The following SGK3 variants were observed in gnomAD, a reference collection of about 807,000 sequenced individuals.
SGK3 encodes the protein serum/glucocorticoid regulated kinase family member 3.
SGK3 carries 47 observed loss-of-function variants against 68.5 expected under a neutral mutation model. The observed-to-expected ratio is 0.69, with a 90% CI of 0.54 to 0.87. SGK3 has a LOEUF of 0.87. Ranked by LOEUF, SGK3 falls within the 40% of genes least tolerant of loss-of-function variation. SGK3 has a pLI of 0.00. For missense variants in SGK3, 479 were observed against 575.5 expected (o/e 0.83, Z 1.72); for synonymous variants, 181 against 189.1 (o/e 0.96, Z 0.35).
At position 66,831,241 on chromosome 8, in the gene SGK3, T is replaced by C. The variant is rs1239649074; in HGVS notation, c.468-13T>C. On this transcript the variant is annotated splice_polypyrimidine_tract_variant and intron_variant, in intron 7 of 16. Transcript: ENST00000521198. ...TTTCTAGGAGGCTAATTCTTATTGT[T>C]AATTTATTTCAGTGCCAAACCAACT... 3.1e-6 allele frequency: 5 copies of C among 1,613,460 alleles called. No homozygotes were observed. The highest frequency in any genetic ancestry group is 2.7e-5 in the African/African-American group (2 of 74,896).
chr8:66,795,489 C>T (rs1390058419), intron 2 of SGK3, among the ~76,000 whole-genome samples: 2 of 152,150 alleles, frequency 1.3e-5, no homozygotes, highest in Non-Finnish European at 2.9e-5. Flanking sequence ...TTTCTTCCTT[C>T]CTTCCCTCTC....
intron 5 of SGK3, among the ~76,000 whole-genome samples, chr8:66,816,076 T>G (rs1306823416): frequency 6.6e-6 from 1 of 152,142 alleles, no homozygotes; most frequent in African/African-American, 2.4e-5. Flanking sequence ...CTCAGCTCAC[T>G]GCAAGCTCTG....
At chr8:66,723,683 G>A (rs1018704148) in intron 1 of SGK3, among the ~76,000 whole-genome samples, 1 of 151,788 alleles carries the variant, frequency 6.6e-6, no homozygotes, top group African/African-American at 2.4e-5. Flanking sequence ...GGGCTCAAGT[G>A]TACCCACATC....
intron 7 of SGK3, among the ~76,000 whole-genome samples, chr8:66,828,967 G>GGT (rs113679632): frequency 0.014 from 1,616 of 119,368 alleles, 15 homozygotes; most frequent in Admixed American, 0.022. Flanking sequence ...GTGGGTGGGG[G>GGT]GTGTGTGTGT....
intron 14 of SGK3, 110 bp from the exon 15 acceptor site, chr8:66,847,082 AG>A: frequency 2.1e-6 from 3 of 1,455,042 alleles, no homozygotes; most frequent in Non-Finnish European, 2.8e-6. Flanking sequence ...ACGTCCCAAG[AG>A]GTCCATACAT....
At chr8:66,821,603 C>T (rs1048783568) in intron 5 of SGK3, among the ~76,000 whole-genome samples, 11 of 151,950 alleles carry the variant, frequency 7.2e-5, no homozygotes, top group African/African-American at 2.2e-4. Flanking sequence ...AGCTCCGCCT[C>T]CCGGGCTCAC....
rs560133333 is a variant in SGK3, at chr8:66,851,108, G to C, written c.1320+188G>C. 3.2e-4 allele frequency among the ~76,000 whole-genome samples: 48 copies of C among 152,296 alleles called. No homozygotes were observed. In the South Asian group the frequency reaches 9.9e-3, roughly 32 times the overall value. On this transcript the variant is annotated intron_variant, in intron 16 of 16. Coordinates refer to ENST00000521198, the MANE Select transcript of SGK3 (RefSeq NM_001033578.3). ...AGGGAGACCAGTAAGATTATAGTTA[G>C]ATTAGGTTGATAAAAATGTCTTCCA...
chr8:66,814,641 G>T (rs1467121990), intron 5 of SGK3, among the ~76,000 whole-genome samples: 1 of 152,164 alleles, frequency 6.6e-6, no homozygotes, highest in African/African-American at 2.4e-5. Context: ...ACAGTGTTCT[G>T]TTGACCCACA....
intron 1 of SGK3, among the ~76,000 whole-genome samples, chr8:66,739,683 A>G (rs1585651787): frequency 6.6e-6 from 1 of 152,234 alleles, no homozygotes; most frequent in Admixed American, 6.5e-5. Context: ...GGCATGAGCC[A>G]CAGTACCCAG....
At chr8:66,742,872 C>G (rs1211662702) in intron 1 of SGK3, among the ~76,000 whole-genome samples, 1 of 152,138 alleles carries the variant, frequency 6.6e-6, no homozygotes, top group African/African-American at 2.4e-5. Flanking sequence ...CTTTCTGTCT[C>G]CATTTTCCAC....
intron 1 of SGK3, among the ~76,000 whole-genome samples, chr8:66,779,465 G>T (rs1806860502): frequency 6.7e-6 from 1 of 149,774 alleles, no homozygotes; most frequent in African/African-American, 2.4e-5. Context: ...GCTTATAGAT[G>T]TAGGTCTAAA....
At chr8:66,843,657 A>G (rs982872396) in intron 14 of SGK3, 110 bp downstream of exon 14, 2 of 1,113,734 alleles carry the variant, frequency 1.8e-6, no homozygotes, top group Non-Finnish European at 2.5e-6. Context: ...CTAACAGAGC[A>G]GTAATAGTCT....
At chr8:66,827,818 A>G (rs13258483) in intron 6 of SGK3, among the ~76,000 whole-genome samples, 4 of 152,174 alleles carry the variant, frequency 2.6e-5, no homozygotes, top group African/African-American at 9.7e-5. Context: ...TGGCACTACC[A>G]CAGTGCTAGA....
rs545209451 is a variant in SGK3, at chr8:66,736,824, G to T, written c.-122+23991G>T. Among the ~76,000 whole-genome samples, 39 of 151,990 alleles carry T rather than the reference G, an allele frequency of 2.6e-4. No individual in the cohort carries two copies. The South Asian group carries it at 7.9e-3, about 31-fold the overall frequency. ...AGTAGAGACAGGGTTTCTCCATGTT[G>T]GTCAGGCTGGTCTTGAACTCCCGAC... is the stretch of plus-strand genomic sequence containing the variant. On this transcript the variant is annotated intron_variant, in intron 1 of 16. Coordinates refer to ENST00000521198, the MANE Select transcript of SGK3 (RefSeq NM_001033578.3).
At chr8:66,830,448 A>AT (rs1377110479) in intron 7 of SGK3, among the ~76,000 whole-genome samples, 1 of 152,192 alleles carries the variant, frequency 6.6e-6, no homozygotes, top group African/African-American at 2.4e-5. Context: ...TGAATTAACG[A>AT]TTTTTTGATG....
chr8:66,777,507 A>C (rs995582884), intron 1 of SGK3, among the ~76,000 whole-genome samples: 2 of 152,152 alleles, frequency 1.3e-5, no homozygotes, highest in African/African-American at 2.4e-5. Flanking sequence ...CTAGTTACCC[A>C]GGAATAAAAT....
chr8:66,731,661 A>C (rs1805156764), intron 1 of SGK3, among the ~76,000 whole-genome samples: 1 of 152,004 alleles, frequency 6.6e-6, no homozygotes, highest in Admixed American at 6.6e-5. Context: ...CAGCCTCCCG[A>C]GTAGCTGGGA....
At chr8:66,721,383 G>A (rs1370236865) in intron 1 of SGK3, among the ~76,000 whole-genome samples, 1 of 152,052 alleles carries the variant, frequency 6.6e-6, no homozygotes, top group Non-Finnish European at 1.5e-5. Flanking sequence ...TCCACCTCTT[G>A]CATTAAGAAA....
rs553385704 is a variant in SGK3 at position 66,819,527 on chromosome 8, T to A, written c.330-2845T>A. Among the ~76,000 whole-genome samples the A allele has an allele frequency of 4.6e-5, 7 of 152,342 alleles. No homozygotes were observed. In the East Asian group the frequency reaches 1.3e-3, roughly 29 times the overall value. Reference sequence around the variant, plus strand: ...GTACATTCATGTTATATATCATGTATCTATCAAAAGTGATTGTTTACAAAG... The same window carrying A: ...GTACATTCATGTTATATATCATGTAACTATCAAAAGTGATTGTTTACAAAG... On this transcript the variant is annotated intron_variant, in intron 5 of 16. Coordinates refer to ENST00000521198, the MANE Select transcript of SGK3 (RefSeq NM_001033578.3).
Sources: gnomAD v4.1 joint callset for allele counts (sites outside exome capture counted in the v4.1 genomes callset) on GRCh38, gnomAD v4.1.1 for gene constraint, MANE v1.5 for transcripts, NCBI Gene and HGNC (gene_info 2026-07-23, HGNC 2026-07-21) for gene names.